Variants in TRMT44 observed in about 807,000 individuals in gnomAD.
TRMT44 encodes probable tRNA (uracil-O(2)-)-methyltransferase.
A neutral mutation model predicts 77.3 loss-of-function variants in TRMT44; 78 were observed. The observed-to-expected ratio is 1.01, with a 90% CI of 0.84 to 1.22. The LOEUF is 1.22. Ranked by LOEUF, TRMT44 falls within the 50% of genes most tolerant of loss-of-function variation. The pLI is 0.00. For synonymous variants in TRMT44, 391 were observed against 383.3 expected (o/e 1.02, Z -0.23); for missense variants, 1,090 against 964.4 (o/e 1.13, Z -1.73).
intron 2 of TRMT44, among the ~76,000 whole-genome samples, chr4:8,484,477 G>GGCA (rs1727741172): frequency 6.6e-6 from 1 of 152,098 alleles, no homozygotes; most frequent in Admixed American, 6.5e-5. Flanking sequence ...AAAGTATTAG[G>GGCA]GCAGCAGCAG....
the TRMT44 span, among the ~76,000 whole-genome samples, chr4:8,516,070 G>A: frequency 2.1e-4 from 32 of 152,252 alleles, no homozygotes; most frequent in South Asian, 1.2e-3. Context: ...GTCTGAAACC[G>A]TCCCTGTAAA....
rs1427547779 is a variant in TRMT44, at chr4:8,451,223, G to A, written c.955-737G>A. On this transcript the variant is annotated intron_variant, in intron 3 of 10. Transcript: ENST00000389737. The surrounding 1 kb of genome is among the most constrained non-coding windows in gnomAD (Gnocchi z 4.1). Reference sequence around the variant, plus strand: ...GCTCCCTCCCACATCCTGGCCTCGTGGTCCTTTGCCATCTTGTTAGCTATT... The same window carrying A: ...GCTCCCTCCCACATCCTGGCCTCGTAGTCCTTTGCCATCTTGTTAGCTATT... Among the ~76,000 whole-genome samples, 1 of 152,080 alleles carries A rather than the reference G, an allele frequency of 6.6e-6. No homozygotes were observed.
the TRMT44 span, among the ~76,000 whole-genome samples, chr4:8,514,771 G>T: frequency 6.6e-6 from 1 of 152,110 alleles, no homozygotes; most frequent in Non-Finnish European, 1.5e-5. Context: ...TGAGTTGAAC[G>T]GTTTTGATAC....
intron 9 of TRMT44, among the ~76,000 whole-genome samples, chr4:8,468,852 G>T (rs544129346): frequency 2.1e-4 from 32 of 152,366 alleles, no homozygotes; most frequent in South Asian, 8.3e-4. Flanking sequence ...GGTGAGTGGT[G>T]TGTTGAAATT....
Position 8,468,292 on chromosome 4 carries a change from C to T in TRMT44, c.1873C>T (p.Gln625Ter), listed in dbSNP as rs750708824. 1.9e-6 allele frequency: 3 copies of T among 1,614,058 alleles called. No individual in the cohort carries two copies. The African/African-American group carries it at 4.0e-5, about 22-fold the overall frequency. ...AGCGAATTTACTGTTAGGTGGAAAGCAATTAAACACAAGAAGTTCTCGAAA... is the reference window on the plus strand; with the variant it reads ...AGCGAATTTACTGTTAGGTGGAAAGTAATTAAACACAAGAAGTTCTCGAAA... Reference protein sequence around the residue: ...QVANLLLGGKQLNTRSSRNGS... With the variant: ...QVANLLLGGK Residue 625 changes from glutamine to a stop codon, truncating the protein, a stop_gained, in exon 9 of 11, where the codon CAA (glutamine) becomes TAA (stop). Coordinates refer to ENST00000389737, the MANE Select transcript of TRMT44 (RefSeq NM_152544.3). LOFTEE classifies it high-confidence loss of function.
intron 2 of TRMT44, among the ~76,000 whole-genome samples, chr4:8,483,724 A>G (rs1164664548): frequency 1.3e-5 from 2 of 152,180 alleles, no homozygotes; most frequent in African/African-American, 2.4e-5. Context: ...TGATTTGACC[A>G]ATAAAGGCTG....
intron 1 of TRMT44, among the ~76,000 whole-genome samples, chr4:8,443,169 G>T (rs1303562387): frequency 1.3e-5 from 2 of 152,326 alleles, no homozygotes; most frequent in South Asian, 4.1e-4. Flanking sequence ...TGCCAGTCCA[G>T]TCTAGTTTAG....
At chr4:8,506,632 C>T in the TRMT44 span, among the ~76,000 whole-genome samples, 2 of 152,208 alleles carry the variant, frequency 1.3e-5, no homozygotes, top group African/African-American at 4.8e-5. Flanking sequence ...TGGCTCTGCC[C>T]CAGGGGGAGC....
chr4:8,512,656 TG>T, the TRMT44 span: 1 of 152,258 alleles, frequency 6.6e-6, no homozygotes, highest in Non-Finnish European at 1.5e-5. Flanking sequence ...CTTGTTTCTT[TG>T]GGCAGCTGCG....
chr4:8,458,464 C>CTTTTTTTT (rs56203512), intron 6 of TRMT44, among the ~76,000 whole-genome samples: 6 of 130,328 alleles, frequency 4.6e-5, no homozygotes, highest in South Asian at 2.4e-4. Context: ...CTTTTCTTTT[C>CTTTTTTTT]TTTTTTTTTT....
chr4:8,474,044 G>C (rs1727202905), intron 10 of TRMT44, among the ~76,000 whole-genome samples: 1 of 152,244 alleles, frequency 6.6e-6, no homozygotes, highest in Admixed American at 6.5e-5. Flanking sequence ...CGCGTGGGAG[G>C]GCCTGCCGCC....
chr4:8,474,438 G>A (rs1727232194), intron 10 of TRMT44, among the ~76,000 whole-genome samples: 1 of 152,242 alleles, frequency 6.6e-6, no homozygotes, highest in Admixed American at 6.5e-5. Context: ...GGCAAACAGG[G>A]TCAGGCCTGG....
At position 8,475,898 on chromosome 4, in the gene TRMT44, A is replaced by ACCCT; in HGVS notation, c.2171_2172insCCCT (p.His725ProfsTer4). ...ACCCGCCTCTGCTGGTTCTTCATGC[A>ACCCT]TCACCCTGATGGCTGCGCTCTGTCC... On this transcript the variant is annotated frameshift_variant, in exon 11 of 11. Coordinates refer to ENST00000389737, the MANE Select transcript of TRMT44 (RefSeq NM_152544.3). LOFTEE classifies it low-confidence loss of function (END_TRUNC). 1 of 1,614,212 alleles carries ACCCT rather than the reference A, an allele frequency of 6.2e-7. No individual in the cohort carries two copies. Among genetic ancestry groups the ACCCT allele is most frequent in the African/African-American group, 1.3e-5 (1 of 75,050 alleles).
chr4:8,472,733 C>T (rs1007132127), intron 10 of TRMT44, among the ~76,000 whole-genome samples: 3 of 152,196 alleles, frequency 2.0e-5, no homozygotes, highest in Non-Finnish European at 4.4e-5. Flanking sequence ...AGAAGCGTGT[C>T]CCTGAGGCTG....
In TRMT44 at chr4:8,471,105, T is replaced by C. The variant is rs1311482809; in HGVS notation, c.1949T>C (p.Val650Ala). Residue 650 changes from valine to alanine, a missense_variant, in exon 10 of 11, where the codon GTA becomes GCA. Physicochemically the swap from Val to Ala is moderately conservative, Grantham distance 64. Coordinates refer to ENST00000389737, the MANE Select transcript of TRMT44 (RefSeq NM_152544.3). The stretch of plus-strand genomic sequence containing the variant: ...ACAGAGAGCCTATCTCTGGCAGAAG[T>C]AGCCAACGAGCTGGACACGGAGACC... ...NGGESLSLAE[V>A]ANELDTETLR... The C allele has an allele frequency of 4.4e-6, 7 of 1,600,158 alleles. No homozygotes were observed. The highest frequency in any genetic ancestry group is 1.7e-5 in the Admixed American group (1 of 57,350).
chr4:8,488,475 G>A (rs187453175), intron 2 of TRMT44, among the ~76,000 whole-genome samples: 4 of 152,362 alleles, frequency 2.6e-5, no homozygotes, highest in South Asian at 2.1e-4. Context: ...AAGGTGCTCC[G>A]TGGGGAAGCT....
chr4:8,472,511 TGA>T (rs1240870294), intron 10 of TRMT44, among the ~76,000 whole-genome samples: 1 of 152,220 alleles, frequency 6.6e-6, no homozygotes, highest in Admixed American at 6.5e-5. Flanking sequence ...TCTGGGTGTG[TGA>T]GAGAGCACAG....
chr4:8,505,852 G>A, the TRMT44 span, among the ~76,000 whole-genome samples: 17 of 152,214 alleles, frequency 1.1e-4, no homozygotes, highest in Non-Finnish European at 2.1e-4. Flanking sequence ...CATGAGGTTT[G>A]ATGGTTTTGT....
intron 2 of TRMT44, among the ~76,000 whole-genome samples, chr4:8,447,526 G>A (rs1725132318): frequency 6.6e-6 from 1 of 152,158 alleles, no homozygotes; most frequent in Non-Finnish European, 1.5e-5. Context: ...AAGAGCATGG[G>A]CTTCCCACTA....
Sources: allele counts gnomAD v4.1 joint callset (sites outside exome capture counted in the v4.1 genomes callset), GRCh38; gene constraint gnomAD v4.1.1; non-coding constraint Gnocchi (gnomAD v3.1); transcripts MANE v1.5; gene names NCBI Gene and HGNC (gene_info 2026-07-23, HGNC 2026-07-21).